Variants in CTSH observed in about 807,000 individuals in gnomAD.
The protein encoded by CTSH is pro-cathepsin H.
Under a neutral mutation model 56.3 loss-of-function variants are expected in CTSH, and 52 were observed. That is an observed-to-expected ratio of 0.92 (90% CI 0.74 to 1.16). CTSH has a LOEUF of 1.16. CTSH is among the 50% of genes most tolerant of loss of function. The pLI is 0.00. For synonymous variants in CTSH, 174 were observed against 155.7 expected, an observed-to-expected ratio of 1.12 and a Z score of -0.88; for missense variants, 406 against 424.5, an observed-to-expected ratio of 0.96 and a Z score of 0.38.
At chr15:78,923,298 TTTTTC>T (rs1428477826) in intron 10 of CTSH, among the ~76,000 whole-genome samples, 180 bp from the exon 11 acceptor site, 2 of 152,204 alleles carry the variant, frequency 1.3e-5, no homozygotes, top group Non-Finnish European at 2.9e-5. Flanking sequence ...TTCAGTTCTT[TTTTTC>T]TTTTGAGACG....
At chr15:78,931,389 T>C in intron 7 of CTSH, 62 bp downstream of exon 7, 1 of 1,603,570 alleles carries the variant, frequency 6.2e-7, no homozygotes, top group Non-Finnish European at 8.5e-7. Context: ...ACACACTGGA[T>C]CCTGTCGAAG....
intron 7 of CTSH, 73 bp downstream of exon 7, chr15:78,931,378 C>G: frequency 6.3e-7 from 1 of 1,585,036 alleles, no homozygotes; most frequent in South Asian, 1.1e-5. Flanking sequence ...GCAGACCCAG[C>G]ACACACTGGA....
chr15:78,935,236 A>C (rs1279663834), intron 4 of CTSH, among the ~76,000 whole-genome samples, 154 bp from the exon 5 acceptor site: 2 of 152,220 alleles, frequency 1.3e-5, no homozygotes, highest in African/African-American at 4.8e-5. Flanking sequence ...TACTGGTCCC[A>C]AGTGCTAAAT....
rs1404783446 is a variant in CTSH at position 78,931,610 on chromosome 15, A to C, written c.493-104T>G. On this transcript the variant is annotated intron_variant, in intron 6 of 11. Coordinates refer to ENST00000220166, the MANE Select transcript of CTSH (RefSeq NM_004390.5). Reference sequence around the variant, plus strand: ...GCTGAGCCACATCTGAGGCCCCGTCAGTGCTGTGTCAAGGTGACCAAATTA... The same window carrying C: ...GCTGAGCCACATCTGAGGCCCCGTCCGTGCTGTGTCAAGGTGACCAAATTA... 6.9e-6 allele frequency: 11 copies of C among 1,591,260 alleles called. No individual in the cohort carries two copies. In the South Asian group the frequency reaches 7.9e-5, roughly 11 times the overall value.
chr15:78,925,534 C>A (rs2054885867), intron 9 of CTSH, 94 bp from the exon 10 acceptor site: 1 of 796,064 alleles, frequency 1.3e-6, no homozygotes. Context: ...GGGCTAGAGG[C>A]CCAGAGCAGC....
At chr15:78,937,507 A>C in intron 2 of CTSH, 84 bp from the exon 3 acceptor site, 1 of 1,403,868 alleles carries the variant, frequency 7.1e-7, no homozygotes, top group South Asian at 1.3e-5. Context: ...CTAAGAGGAA[A>C]GATGAAGGTT....
chr15:78,927,636 C>T, intron 9 of CTSH, 77 bp downstream of exon 9: 1 of 1,306,628 alleles, frequency 7.7e-7, no homozygotes, highest in Non-Finnish European at 1.1e-6. Context: ...TTGCTGGGCC[C>T]ACTGGCTATC....
At chr15:78,930,068 C>T (rs1247876529) in intron 7 of CTSH, among the ~76,000 whole-genome samples, 1 of 152,224 alleles carries the variant, frequency 6.6e-6, no homozygotes, top group Non-Finnish European at 1.5e-5. Flanking sequence ...ACCGCCTGAC[C>T]TAGTCTAGCC....
chr15:78,937,584 A>G lies in CTSH; in HGVS notation c.124-161T>C. On this transcript the variant is annotated intron_variant, in intron 2 of 11. Transcript: ENST00000220166. ...GCGGGGTACTGCTGAGAAATTTGGG[A>G]AGTTACAAAACAACCCCGTTTTCAG... 5.7e-6 allele frequency: 8 copies of G among 1,395,286 alleles called. No homozygotes were observed. In the South Asian group the frequency reaches 5.9e-5, roughly 10 times the overall value. 86.4% of individuals were successfully genotyped at this position (1,395,286 alleles called of 1,614,324 possible).
intron 11 of CTSH, 52 bp from the exon 12 acceptor site, chr15:78,922,257 C>T: frequency 6.8e-7 from 1 of 1,462,932 alleles, no homozygotes; most frequent in South Asian, 1.2e-5. Context: ...CACCACAGGC[C>T]TTTCTAGAAT....
At chr15:78,925,208 C>T (rs553128709) in intron 10 of CTSH, 126 bp downstream of exon 10, 8 of 629,286 alleles carry the variant, frequency 1.3e-5, no homozygotes, top group African/African-American at 1.1e-4. Flanking sequence ...CAGCACCTGG[C>T]AGGTGTCATG....
chr15:78,941,577 G>A (rs1174759240), intron 1 of CTSH, among the ~76,000 whole-genome samples: 1 of 152,042 alleles, frequency 6.6e-6, no homozygotes, highest in East Asian at 1.9e-4. Flanking sequence ...CGGATCACGA[G>A]TTCAGAAGAT....
At chr15:78,944,486 G>A (rs1430568621) in intron 1 of CTSH, 1 of 164,970 alleles carries the variant, frequency 6.1e-6, no homozygotes, top group Non-Finnish European at 1.3e-5. Context: ...GATCCCCTGT[G>A]TGCCAAGTCC....
chr15:78,935,490 G>C (rs2055156103), intron 4 of CTSH, among the ~76,000 whole-genome samples, 190 bp downstream of exon 4: 1 of 152,224 alleles, frequency 6.6e-6, no homozygotes, highest in African/African-American at 2.4e-5. Flanking sequence ...GGTCCACAAT[G>C]CTAAGGCCAT....
intron 5 of CTSH, among the ~76,000 whole-genome samples, chr15:78,933,833 G>A (rs1205692631): frequency 1.3e-5 from 2 of 152,188 alleles, no homozygotes; most frequent in Non-Finnish European, 2.9e-5. Flanking sequence ...GCTGCTGTCC[G>A]TCTCTATCCC....
chr15:78,930,613 C>T (rs1398619627), intron 7 of CTSH, among the ~76,000 whole-genome samples: 1 of 152,070 alleles, frequency 6.6e-6, no homozygotes, highest in East Asian at 1.9e-4. Context: ...AAATGTCAGA[C>T]TCTTGTTATG....
intron 9 of CTSH, 197 bp downstream of exon 9, chr15:78,927,516 C>G: frequency 1.8e-6 from 1 of 556,260 alleles, no homozygotes; most frequent in South Asian, 2.4e-5. Context: ...AGAGGGCCTG[C>G]CTGCCAGTTT....
At position 78,929,457 on chromosome 15, in the gene CTSH, G is replaced by A; in HGVS notation, c.585C>T (p.Tyr195=). ...TGTCTTCACCCATGATCCCCTTGTT[G>A]TACAGGATATACTCGAAAGCCTGGC... The part of the protein sequence containing the change: ...LPSQAFEYIL[Y]NKGIMGEDTY... Residue 195 remains tyrosine, a synonymous_variant, in exon 8 of 12, where the codon TAC becomes TAT. Transcript: ENST00000220166. The A allele has an allele frequency of 6.2e-7, 1 of 1,612,424 alleles. No individual in the cohort carries two copies. Among genetic ancestry groups the A allele is most frequent in the Non-Finnish European group, 8.5e-7 (1 of 1,179,108 alleles).
At chr15:78,931,407 T>C in intron 7 of CTSH, 44 bp downstream of exon 7, 1 of 1,613,166 alleles carries the variant, frequency 6.2e-7, no homozygotes. Flanking sequence ...AAGCGGTCAG[T>C]GGGAAATGAG....
Sources: allele counts gnomAD v4.1 joint callset (sites outside exome capture counted in the v4.1 genomes callset), GRCh38; gene constraint gnomAD v4.1.1; transcripts MANE v1.5; gene names NCBI Gene and HGNC (gene_info 2026-07-23, HGNC 2026-07-21).